Variants in AHCYL2 observed in about 807,000 individuals in gnomAD.
AHCYL2 encodes the protein adenosylhomocysteinase like 2.
A neutral mutation model predicts 81.4 loss-of-function variants in AHCYL2; 28 were observed. That is an observed-to-expected ratio of 0.34 (90% CI 0.25 to 0.47). The LOEUF is 0.47. AHCYL2 is among the 20% of genes least tolerant of loss of function. The pLI is 1.00. For synonymous variants in AHCYL2, 272 were observed against 290.2 expected (o/e 0.94, Z 0.64); for missense variants, 551 against 785.1 (o/e 0.70, Z 3.56).
At chr7:129,235,248 ATTC>A (rs369914711) in intron 1 of AHCYL2, among the ~76,000 whole-genome samples, 60 of 147,732 alleles carry the variant, frequency 4.1e-4, no homozygotes, top group East Asian at 2.6e-3. Flanking sequence ...GCTCCTTCTC[ATTC>A]TTCTTCTTTT....
At chr7:129,318,335 T>G (rs1797896315) in intron 1 of AHCYL2, among the ~76,000 whole-genome samples, 1 of 152,216 alleles carries the variant, frequency 6.6e-6, no homozygotes, top group Non-Finnish European at 1.5e-5. Flanking sequence ...GCTCAAGTGA[T>G]CCTTCCGCCT....
At chr7:129,276,147 A>G (rs980745012) in intron 1 of AHCYL2, among the ~76,000 whole-genome samples, 1 of 151,900 alleles carries the variant, frequency 6.6e-6, no homozygotes, top group Non-Finnish European at 1.5e-5. Flanking sequence ...AAGAAAAAAT[A>G]ATAATGGAAA....
At chr7:129,392,966 A>T (rs982188345) in intron 4 of AHCYL2, among the ~76,000 whole-genome samples, 3 of 152,212 alleles carry the variant, frequency 2.0e-5, no homozygotes, top group Admixed American at 2.0e-4. Flanking sequence ...TTCAGGCTAT[A>T]CATCTATGGT....
At chr7:129,248,837 T>C (rs905084924) in intron 1 of AHCYL2, among the ~76,000 whole-genome samples, 3 of 152,130 alleles carry the variant, frequency 2.0e-5, no homozygotes, top group African/African-American at 7.2e-5. Context: ...ATTTAGATTT[T>C]CTCTAGCTGC....
At chr7:129,275,134 G>C (rs1486415384) in intron 1 of AHCYL2, among the ~76,000 whole-genome samples, 1 of 152,192 alleles carries the variant, frequency 6.6e-6, no homozygotes, top group Non-Finnish European at 1.5e-5. Flanking sequence ...TCTAATTCCA[G>C]AACTTTGGGA....
intron 1 of AHCYL2, among the ~76,000 whole-genome samples, chr7:129,303,813 G>A (rs1043786026): frequency 6.6e-5 from 10 of 152,098 alleles, no homozygotes; most frequent in African/African-American, 2.2e-4. Context: ...GGCTGGGTGT[G>A]GTGGCTCACA....
chr7:129,287,786 G>A (rs1025373888), intron 1 of AHCYL2, among the ~76,000 whole-genome samples: 2 of 152,072 alleles, frequency 1.3e-5, no homozygotes, highest in African/African-American at 2.4e-5. Flanking sequence ...TTCTCCCCAC[G>A]TCATTTTGAT....
At chr7:129,390,113 A>T (rs1795395998) in intron 4 of AHCYL2, among the ~76,000 whole-genome samples, 1 of 152,182 alleles carries the variant, frequency 6.6e-6, no homozygotes, top group Non-Finnish European at 1.5e-5. Context: ...CCTATAATCA[A>T]GTTTAATTTA....
intron 1 of AHCYL2, among the ~76,000 whole-genome samples, chr7:129,289,792 T>C (rs1387237657): frequency 1.3e-5 from 2 of 151,898 alleles, no homozygotes; most frequent in East Asian, 1.9e-4. Flanking sequence ...TTTCTTTCTT[T>C]TTTTTTTTGA....
chr7:129,332,446 A>G (rs911566027), intron 1 of AHCYL2, among the ~76,000 whole-genome samples: 2 of 152,252 alleles, frequency 1.3e-5, no homozygotes, highest in Non-Finnish European at 2.9e-5. Context: ...CAGTGATGTT[A>G]TTCTGAGATC....
Position 129,426,640 on chromosome 7 carries a change from C to T in AHCYL2, c.1829+77C>T. On this transcript the variant is annotated intron_variant, in intron 16 of 16. Transcript: ENST00000325006. This position sits in a 1 kb window ranked among gnomAD's most constrained non-coding sequence, Gnocchi z 4.3. ...TGCACTGGAATTGGTCTTTGCATCC[C>T]CAACCACATATGCTTACATGAACTC... 6.4e-7 allele frequency: 1 copy of T among 1,551,822 alleles called. No individual in the cohort carries two copies. The highest frequency in any genetic ancestry group is 8.7e-7 in the Non-Finnish European group (1 of 1,152,100).
At chr7:129,293,052 C>T (rs1364438305) in intron 1 of AHCYL2, among the ~76,000 whole-genome samples, 2 of 152,090 alleles carry the variant, frequency 1.3e-5, no homozygotes. Flanking sequence ...CAGGCCCAAG[C>T]ACTACTCCCA....
intron 1 of AHCYL2, among the ~76,000 whole-genome samples, chr7:129,282,396 G>T (rs989155830): frequency 5.3e-5 from 8 of 151,784 alleles, no homozygotes; most frequent in Non-Finnish European, 8.8e-5. Flanking sequence ...ATTCACTCAT[G>T]GTCTTTTTAT....
chr7:129,294,007 A>G (rs1796966872), intron 1 of AHCYL2, among the ~76,000 whole-genome samples: 1 of 149,686 alleles, frequency 6.7e-6, no homozygotes, highest in African/African-American at 2.6e-5. Flanking sequence ...GTAGTAATGG[A>G]GAAAGATTAT....
At chr7:129,251,015 A>C (rs1795228400) in intron 1 of AHCYL2, among the ~76,000 whole-genome samples, 1 of 152,150 alleles carries the variant, frequency 6.6e-6, no homozygotes, top group Non-Finnish European at 1.5e-5. Context: ...GCTTATTATA[A>C]TTTTCCCTTC....
At chr7:129,339,849 G>A (rs948852508) in intron 1 of AHCYL2, among the ~76,000 whole-genome samples, 1 of 145,024 alleles carries the variant, frequency 6.9e-6, no homozygotes, top group African/African-American at 2.5e-5. Context: ...TTTTCTTTTA[G>A]AATTTTGAAG....
At chr7:129,323,172 G>A (rs1190564963) in intron 1 of AHCYL2, among the ~76,000 whole-genome samples, 1 of 152,002 alleles carries the variant, frequency 6.6e-6, no homozygotes, top group Non-Finnish European at 1.5e-5. Context: ...TGGAAACTGA[G>A]GTTTTTTATC....
rs1052399033 is a variant in AHCYL2 at position 129,428,349 on chromosome 7, G to A, written c.*1304G>A. 1 of 152,184 alleles carries A rather than the reference G, an allele frequency of 6.6e-6. No individual in the cohort carries two copies. Among genetic ancestry groups the A allele is most frequent in the African/African-American group, 2.4e-5 (1 of 41,438 alleles). 9.4% of individuals were successfully genotyped at this position (152,184 alleles called of 1,614,324 possible). Reference sequence around the variant, plus strand: ...AACTCCAGTGCTACAAAAAGAATTAGTAATGTGGTGTGGGCAGCGTGACAT... The same window carrying A: ...AACTCCAGTGCTACAAAAAGAATTAATAATGTGGTGTGGGCAGCGTGACAT... On this transcript the variant is annotated 3_prime_UTR_variant, in exon 17 of 17. Coordinates refer to ENST00000325006, the MANE Select transcript of AHCYL2 (RefSeq NM_015328.4).
intron 12 of AHCYL2, among the ~76,000 whole-genome samples, chr7:129,421,597 GA>G: frequency 6.6e-6 from 1 of 152,292 alleles, no homozygotes; most frequent in East Asian, 1.9e-4. Context: ...ACCAATTTAT[GA>G]AACTTGACAT....
Sources: gnomAD v4.1 joint callset for allele counts (sites outside exome capture counted in the v4.1 genomes callset) on GRCh38, gnomAD v4.1.1 for gene constraint, Gnocchi (gnomAD v3.1) non-coding constraint, MANE v1.5 for transcripts, NCBI Gene and HGNC (gene_info 2026-07-23, HGNC 2026-07-21) for gene names.